The following PDS5A variants were observed in gnomAD, a reference collection of about 807,000 sequenced individuals.
The protein encoded by PDS5A is PDS5 cohesin associated factor A, also known as sister chromatid cohesion protein PDS5 homolog A.
Under a neutral mutation model 167.1 loss-of-function variants are expected in PDS5A, and 42 were observed. The observed-to-expected ratio is 0.25, with a 90% CI of 0.20 to 0.33. PDS5A has a LOEUF of 0.33. Among genes scored for constraint, PDS5A ranks in the 10% least tolerant of loss-of-function variants. The probability of loss-of-function intolerance (pLI) is 1.00; values close to 1 mark genes in which losing one functional copy is unlikely to be tolerated. For synonymous variants in PDS5A, 553 were observed against 554.6 expected, an observed-to-expected ratio of 1.00 and a Z score of 0.04; for missense variants, 1,033 against 1,605.9, an observed-to-expected ratio of 0.64 and a Z score of 6.10.
At chr4:39,858,415 A>G (rs1328252383) in intron 26 of PDS5A, among the ~76,000 whole-genome samples, 2 of 152,250 alleles carry the variant, frequency 1.3e-5, no homozygotes, top group Non-Finnish European at 2.9e-5. Flanking sequence ...CCTTGCATAT[A>G]TGGTCAGTTG....
rs563638933 is a variant in PDS5A, at chr4:39,977,559, C to CCCG, written c.-146_-144dup. On this transcript the variant is annotated 5_prime_UTR_variant, in exon 1 of 33. Transcript: ENST00000303538. The surrounding 1 kb of genome is among the most constrained non-coding windows in gnomAD (Gnocchi z 4.2). ...CTGCACACAAAGCGGCTCCGCGGGT[C>CCCG]CCGCCGCCGCCGCCGCCGCCGCCCG... 31,876 of 159,674 alleles carry CCCG rather than the reference C, an allele frequency of 0.2. 3,211 individuals carry two copies. The highest frequency in any genetic ancestry group is 0.27 in the South Asian group (1,542 of 5,780). The allele number at this position is 159,674 out of a possible 1,614,324, so 9.9% of individuals were successfully genotyped here. A position where few individuals can be genotyped will look rare whatever the true frequency, so the allele number is the denominator to read the frequency against.
intron 17 of PDS5A, among the ~76,000 whole-genome samples, chr4:39,881,024 T>A (rs1264514293): frequency 1.3e-5 from 2 of 152,126 alleles, no homozygotes; most frequent in Non-Finnish European, 2.9e-5. Context: ...TTTTTTTTTT[T>A]AGCTTCCACC....
chr4:39,916,053 T>C (rs1169401125), intron 8 of PDS5A, among the ~76,000 whole-genome samples: 1 of 151,850 alleles, frequency 6.6e-6, no homozygotes, highest in African/African-American at 2.4e-5. Flanking sequence ...GGCAACATAG[T>C]GAGAACCCCT....
At chr4:39,905,590 C>T (rs529177285) in intron 11 of PDS5A, among the ~76,000 whole-genome samples, 2 of 151,966 alleles carry the variant, frequency 1.3e-5, no homozygotes, top group African/African-American at 4.8e-5. Flanking sequence ...AACTGACCAA[C>T]TATTCAAGGA....
intron 16 of PDS5A, among the ~76,000 whole-genome samples, chr4:39,893,833 A>G (rs1722172035): frequency 6.6e-6 from 1 of 152,222 alleles, no homozygotes; most frequent in Non-Finnish European, 1.5e-5. Context: ...AAGAAGGTAT[A>G]ATGAACTCAT....
At chr4:39,870,914 T>C (rs1035554367) in intron 21 of PDS5A, among the ~76,000 whole-genome samples, 4 of 152,144 alleles carry the variant, frequency 2.6e-5, no homozygotes, top group Non-Finnish European at 5.9e-5. Flanking sequence ...GCAACCCAAG[T>C]GTCCACCAAT....
At position 39,866,854 on chromosome 4, in the gene PDS5A, A is replaced by T; in HGVS notation, c.2642+7T>A. ...CTAAGAAAACTGGAAAGAAAGAAAA[A>T]TCTCACCTGATCCTCTTTTGCTCTG... On this transcript the variant is annotated splice_region_variant and intron_variant, in intron 23 of 32. Transcript: ENST00000303538. 1 of 1,594,238 alleles carries T rather than the reference A, an allele frequency of 6.3e-7. No homozygotes were observed. Among genetic ancestry groups the T allele is most frequent in the Non-Finnish European group, 8.5e-7 (1 of 1,173,712 alleles).
intron 26 of PDS5A, among the ~76,000 whole-genome samples, chr4:39,853,741 A>G (rs1479587435): frequency 1.3e-5 from 2 of 152,066 alleles, no homozygotes; most frequent in East Asian, 1.9e-4. Flanking sequence ...AATACTTTCT[A>G]TTGCCTTCTT....
intron 26 of PDS5A, among the ~76,000 whole-genome samples, chr4:39,861,135 G>A (rs1718955382): frequency 6.6e-6 from 1 of 151,644 alleles, no homozygotes; most frequent in African/African-American, 2.4e-5. Flanking sequence ...GGTTATCAGA[G>A]CCTGTCAAGT....
At position 39,824,744 on chromosome 4, in the gene PDS5A, A is replaced by G. The variant is rs1259434624; in HGVS notation, c.*741T>C. 2 of 152,654 alleles carry G rather than the reference A, an allele frequency of 1.3e-5. No individual in the cohort carries two copies. The highest frequency in any genetic ancestry group is 2.9e-5 in the Non-Finnish European group (2 of 68,038). 9.5% of individuals were successfully genotyped at this position (152,654 alleles called of 1,614,324 possible). A position where few individuals can be genotyped will look rare whatever the true frequency, so the allele number is the denominator to read the frequency against. On this transcript the variant is annotated 3_prime_UTR_variant, in exon 33 of 33. Transcript: ENST00000303538. ...TTATGAAACAAACAACAATATGTAC[A>G]TTTATTGCAAATTATATTAAACTAA...
chr4:39,888,241 CAAAAAAAAA>C (rs34845975), intron 17 of PDS5A, among the ~76,000 whole-genome samples: 1 of 56,268 alleles, frequency 1.8e-5, no homozygotes, highest in Admixed American at 2.2e-4. Context: ...AAGACTCCGG[CAAAAAAAAA>C]AAAAAAAAAA....
chr4:39,952,556 A>C (rs1420776230), intron 2 of PDS5A, among the ~76,000 whole-genome samples: 1 of 151,736 alleles, frequency 6.6e-6, no homozygotes, highest in South Asian at 2.1e-4. Context: ...CTATCCTATC[A>C]CTCAGGACAG....
At chr4:39,891,229 C>T (rs1485631494) in intron 16 of PDS5A, among the ~76,000 whole-genome samples, 4 of 151,456 alleles carry the variant, frequency 2.6e-5, no homozygotes, top group East Asian at 2.0e-4. Flanking sequence ...CATGGGGTTT[C>T]GTCATGTTGG....
chr4:39,905,933 A>G (rs1437612070), intron 11 of PDS5A, among the ~76,000 whole-genome samples: 1 of 152,124 alleles, frequency 6.6e-6, no homozygotes. Flanking sequence ...TGATTTAAAA[A>G]ATAAAAAAGA....
At chr4:39,957,786 C>CAAAAAAAA (rs34253629) in intron 2 of PDS5A, among the ~76,000 whole-genome samples, 1 of 87,796 alleles carries the variant, frequency 1.1e-5, no homozygotes. Context: ...GACTCCATCT[C>CAAAAAAAA]AAAAAAAAAA....
At chr4:39,925,778 C>T (rs1725400605) in intron 5 of PDS5A, 58 bp downstream of exon 5, 1 of 626,084 alleles carries the variant, frequency 1.6e-6, no homozygotes, top group Non-Finnish European at 2.7e-6. Context: ...GAGTATACAA[C>T]ATCTGAATAC....
chr4:39,965,746 G>A (rs919079264), intron 2 of PDS5A, among the ~76,000 whole-genome samples: 3 of 152,110 alleles, frequency 2.0e-5, no homozygotes, highest in Non-Finnish European at 4.4e-5. Context: ...AAGTCATCTA[G>A]ACAAAAAGCA....
chr4:39,833,595 G>A (rs1023477522), intron 32 of PDS5A, among the ~76,000 whole-genome samples: 27 of 151,712 alleles, frequency 1.8e-4, no homozygotes, highest in Admixed American at 1.4e-3. Flanking sequence ...TTGCCATATC[G>A]CCCAGGCTGG....
intron 2 of PDS5A, among the ~76,000 whole-genome samples, chr4:39,948,210 C>CAAAAAAAA (rs35177594): frequency 1.3e-4 from 13 of 96,414 alleles, no homozygotes; most frequent in African/African-American, 1.6e-4. Flanking sequence ...TATCCCGTCT[C>CAAAAAAAA]AAAAAAAAAA....
Sources: gnomAD v4.1 joint callset for allele counts (sites outside exome capture counted in the v4.1 genomes callset) on GRCh38, gnomAD v4.1.1 for gene constraint, Gnocchi (gnomAD v3.1) non-coding constraint, MANE v1.5 for transcripts, NCBI Gene and HGNC (gene_info 2026-07-23, HGNC 2026-07-21) for gene names.